The following ARID5B variants were observed in gnomAD, a reference collection of about 807,000 sequenced individuals.
The protein encoded by ARID5B is AT-rich interaction domain 5B.
A neutral mutation model predicts 97.2 loss-of-function variants in ARID5B; 13 were observed. The observed-to-expected ratio is 0.13, with a 90% CI of 0.09 to 0.21. ARID5B has a LOEUF of 0.21. Ranked by LOEUF, ARID5B falls within the 10% of genes least tolerant of loss-of-function variation. ARID5B has a pLI of 1.00. For synonymous variants in ARID5B, 556 were observed against 570.3 expected (o/e 0.97, Z 0.36); for missense variants, 1,210 against 1,465.3 (o/e 0.83, Z 2.84).
chr10:62,005,729 G>A (rs750685390), intron 4 of ARID5B, among the ~76,000 whole-genome samples: 1 of 152,200 alleles, frequency 6.6e-6, no homozygotes, highest in East Asian at 1.9e-4. Flanking sequence ...AATTCAGGAC[G>A]TATAAAATTA....
chr10:62,051,148 C>G, intron 5 of ARID5B, 148 bp downstream of exon 5: 1 of 737,790 alleles, frequency 1.4e-6, no homozygotes, highest in Admixed American at 2.0e-5. Flanking sequence ...CTATGCTGTG[C>G]CTGTTCCTGC....
At chr10:61,920,993 G>A (rs1404278232) in intron 2 of ARID5B, among the ~76,000 whole-genome samples, 2 of 152,198 alleles carry the variant, frequency 1.3e-5, no homozygotes, top group African/African-American at 4.8e-5. Flanking sequence ...ACAGGCAGTT[G>A]ATTTAGGATT....
At chr10:62,050,818 A>G in intron 4 of ARID5B, 70 bp from the exon 5 acceptor site, 7 of 1,310,964 alleles carry the variant, frequency 5.3e-6, no homozygotes, top group Non-Finnish European at 7.7e-6. Flanking sequence ...CTGTAGTGAG[A>G]TTCTGGGTCT....
At chr10:62,071,654 A>G (rs79533856) in intron 8 of ARID5B, among the ~76,000 whole-genome samples, 2,516 of 151,642 alleles carry the variant, frequency 0.017, 55 homozygotes, top group African/African-American at 0.057. Flanking sequence ...TAAAAGTAGG[A>G]TTCTTCTGAA....
chr10:61,913,363 A>G (rs1843842269), intron 2 of ARID5B, among the ~76,000 whole-genome samples: 1 of 152,250 alleles, frequency 6.6e-6, no homozygotes, highest in African/African-American at 2.4e-5. Context: ...CTCATGTCTA[A>G]TTTGCCATGG....
chr10:61,959,404 GT>G (rs967730636), intron 3 of ARID5B, among the ~76,000 whole-genome samples: 1 of 152,160 alleles, frequency 6.6e-6, no homozygotes, highest in Non-Finnish European at 1.5e-5. Context: ...AATAGGTTCA[GT>G]GTTTGGCAGG....
At chr10:62,044,379 T>C (rs1401190557) in intron 4 of ARID5B, among the ~76,000 whole-genome samples, 1 of 138,380 alleles carries the variant, frequency 7.2e-6, no homozygotes, top group African/African-American at 3.0e-5. Flanking sequence ...TTTGCTCTTT[T>C]TTTTTTTTTT....
chr10:61,951,773 T>G (rs1325866404), intron 3 of ARID5B, among the ~76,000 whole-genome samples: 1 of 152,224 alleles, frequency 6.6e-6, no homozygotes, highest in Non-Finnish European at 1.5e-5. Context: ...CAGTGAGAAT[T>G]TATATGGATA....
rs576894756 is a variant in ARID5B at position 62,095,242 on chromosome 10, G to T, written c.*2212G>T. The T allele has an allele frequency of 4.3e-6, 1 of 233,422 alleles. No homozygotes were observed. Among genetic ancestry groups the T allele is most frequent in the South Asian group, 1.8e-4 (1 of 5,512 alleles). The allele number at this position is 233,422 out of a possible 1,614,324, so 14.5% of individuals were successfully genotyped here. ...TTCCAGCTGGCAAGATGCTAGCCAGGACACATATAAGAAAGTTGCACTAGA... is the reference window on the plus strand; with the variant it reads ...TTCCAGCTGGCAAGATGCTAGCCAGTACACATATAAGAAAGTTGCACTAGA... On this transcript the variant is annotated 3_prime_UTR_variant, in exon 10 of 10. Coordinates refer to ENST00000279873, the MANE Select transcript of ARID5B (RefSeq NM_032199.3).
chr10:62,041,670 C>CAAAATA (rs965684637), intron 4 of ARID5B, among the ~76,000 whole-genome samples: 2 of 152,008 alleles, frequency 1.3e-5, no homozygotes, highest in Admixed American at 1.3e-4. Context: ...ACATACACAC[C>CAAAATA]AAAACAAAAA....
At chr10:61,930,308 G>A (rs1338146881) in intron 2 of ARID5B, among the ~76,000 whole-genome samples, 1 of 152,212 alleles carries the variant, frequency 6.6e-6, no homozygotes, top group Non-Finnish European at 1.5e-5. Flanking sequence ...CAAAGCCACT[G>A]ACTGTCTGTG....
intron 5 of ARID5B, among the ~76,000 whole-genome samples, chr10:62,054,306 G>A (rs968805783): frequency 2.6e-5 from 4 of 151,832 alleles, no homozygotes; most frequent in African/African-American, 9.7e-5. Flanking sequence ...GAATGCTTTG[G>A]GTAAATGTAA....
intron 8 of ARID5B, among the ~76,000 whole-genome samples, chr10:62,080,390 T>C (rs1294086048): frequency 6.6e-6 from 1 of 152,232 alleles, no homozygotes; most frequent in East Asian, 1.9e-4. Flanking sequence ...ATTTCTCTGC[T>C]CATTTACATA....
chr10:61,950,000 T>A (rs2132810107), intron 3 of ARID5B, among the ~76,000 whole-genome samples: 1 of 152,290 alleles, frequency 6.6e-6, no homozygotes, highest in East Asian at 1.9e-4. Context: ...ACCCAACTGA[T>A]CCACCATGTT....
At chr10:62,066,649 TC>T (rs1839993403) in intron 7 of ARID5B, among the ~76,000 whole-genome samples, 1 of 152,216 alleles carries the variant, frequency 6.6e-6, no homozygotes, top group Admixed American at 6.5e-5. Context: ...GGCTACCGTT[TC>T]AAACCTAGTA....
In ARID5B at chr10:62,093,909, A is replaced by G. The variant is rs753916140; in HGVS notation, c.*879A>G. 3.9e-5 allele frequency: 9 copies of G among 233,434 alleles called. No individual in the cohort carries two copies. The highest frequency in any genetic ancestry group is 6.0e-5 in the East Asian group (1 of 16,572). 14.5% of individuals were successfully genotyped at this position (233,434 alleles called of 1,614,324 possible). Reference sequence around the variant, plus strand: ...AAGAACGTTCCTTTGTAGATCCGCAACTTAAGGATTTTGTTCCTCATAAAT... The same window carrying G: ...AAGAACGTTCCTTTGTAGATCCGCAGCTTAAGGATTTTGTTCCTCATAAAT... On this transcript the variant is annotated 3_prime_UTR_variant, in exon 10 of 10. Coordinates refer to ENST00000279873, the MANE Select transcript of ARID5B (RefSeq NM_032199.3).
intron 4 of ARID5B, chr10:62,049,414 G>T (rs1370110629): frequency 6.5e-6 from 10 of 1,550,218 alleles, no homozygotes; most frequent in Non-Finnish European, 8.7e-6. Context: ...ATGTGGCCGG[G>T]GAGCAGTCAC....
chr10:61,950,045 T>C (rs1164037753), intron 3 of ARID5B, among the ~76,000 whole-genome samples: 1 of 152,140 alleles, frequency 6.6e-6, no homozygotes, highest in Non-Finnish European at 1.5e-5. Context: ...GTTTGCTCTG[T>C]CACCCAGGCA....
chr10:61,980,009 C>G (rs887607885), intron 3 of ARID5B, among the ~76,000 whole-genome samples: 1 of 152,066 alleles, frequency 6.6e-6, no homozygotes, highest in African/African-American at 2.4e-5. Context: ...AGGAGAATCA[C>G]TTGAACCCGG....
Sources: gnomAD v4.1 joint callset for allele counts (sites outside exome capture counted in the v4.1 genomes callset) on GRCh38, gnomAD v4.1.1 for gene constraint, MANE v1.5 for transcripts, NCBI Gene and HGNC (gene_info 2026-07-23, HGNC 2026-07-21) for gene names.